The following PRRC2C variants were observed in gnomAD, a reference collection of about 807,000 sequenced individuals.
PRRC2C encodes the protein protein PRRC2C.
PRRC2C carries 72 observed loss-of-function variants against 317.2 expected under a neutral mutation model. The observed-to-expected ratio is 0.23, with a 90% CI of 0.19 to 0.28. The LOEUF (loss-of-function observed/expected upper bound fraction) is 0.28, where lower values mean the gene tolerates loss of function less well. Ranked by LOEUF, PRRC2C falls within the 10% of genes least tolerant of loss-of-function variation. The pLI, the probability that PRRC2C is intolerant of heterozygous loss-of-function variation, is 1.00. For synonymous variants in PRRC2C, 1,296 were observed against 1,205.9 expected (o/e 1.07, Z -1.55); for missense variants, 3,074 against 3,459.7 (o/e 0.89, Z 2.80).
chr1:171,541,160 C>G lies in PRRC2C; in HGVS notation c.3694C>G (p.His1232Asp). ...QYRDNKPRAE[H>D]IPSGPLRQRE... is the part of the protein sequence containing the mutation. ...TAGAGACAATAAGCCAAGAGCAGAG[C>G]ATATACCCTCAGGGCCTCTCAGACA... is the stretch of plus-strand genomic sequence containing the variant. The change falls in exon 16 of 35, where the codon CAT becomes GAT. Residue 1232 changes from histidine to aspartate, a missense_variant. His to Asp is a moderately conservative substitution (Grantham distance 81). This residue lies in a region of PRRC2C where 1,320 missense variants were observed against 1,395.7 expected (regional missense o/e 0.95). Transcript: ENST00000647382. The surrounding 1 kb of genome is among the most constrained non-coding windows in gnomAD (Gnocchi z 4.1). The G allele has an allele frequency of 6.2e-7, 1 of 1,613,292 alleles. No homozygotes were observed. The highest frequency in any genetic ancestry group is 1.3e-5 in the African/African-American group (1 of 74,958).
intron 4 of PRRC2C, among the ~76,000 whole-genome samples, chr1:171,514,916 A>T (rs557208976): frequency 1.3e-5 from 2 of 152,362 alleles, no homozygotes; most frequent in East Asian, 3.9e-4. Flanking sequence ...TGCATATCCA[A>T]GCAAAGCTTG....
At chr1:171,506,869 G>T (rs1175516340) in intron 1 of PRRC2C, among the ~76,000 whole-genome samples, 1 of 151,590 alleles carries the variant, frequency 6.6e-6, no homozygotes, top group East Asian at 1.9e-4. Context: ...GTCTCTATTT[G>T]TATTCAATCT....
chr1:171,568,576 G>A (rs74122869), intron 23 of PRRC2C, among the ~76,000 whole-genome samples: 3,060 of 152,216 alleles, frequency 0.02, 96 homozygotes, highest in African/African-American at 0.07. Flanking sequence ...TTTGTGGTGC[G>A]TAGGCTTGGT....
chr1:171,491,230 G>A (rs538706867), intron 1 of PRRC2C, among the ~76,000 whole-genome samples: 1 of 152,272 alleles, frequency 6.6e-6, no homozygotes, highest in Admixed American at 6.5e-5. Context: ...TGGAGAATGG[G>A]TATCTAGATA....
intron 24 of PRRC2C, among the ~76,000 whole-genome samples, chr1:171,572,342 T>C (rs1265464414): frequency 6.6e-6 from 1 of 152,142 alleles, no homozygotes; most frequent in Non-Finnish European, 1.5e-5. Flanking sequence ...TTGTTCATAA[T>C]CCAGGGAAGT....
chr1:171,545,532 G>C lies in PRRC2C; in HGVS notation c.4817G>C (p.Ser1606Thr). 6.3e-7 allele frequency: 1 copy of C among 1,593,278 alleles called. No homozygotes were observed. Among genetic ancestry groups the C allele is most frequent in the East Asian group, 2.3e-5 (1 of 44,016 alleles). The change falls in exon 17 of 35, where the codon AGC becomes ACC. Residue 1606 changes from serine (S) to threonine (T), a missense_variant. By Grantham distance (58) the Ser-to-Thr change is moderately conservative. This residue lies in a region of PRRC2C where 178 missense variants were observed against 163.0 expected (regional missense o/e 1.09). Transcript: ENST00000647382. ...ACTGGGGTTGACCTCATCAATGGCA[G>C]CTCTGCACACCATCAGGAAGGAGTA... ...GTTGVDLING[S>T]SAHHQEGVPN...
At chr1:171,547,385 T>C (rs1557973924) in intron 17 of PRRC2C, among the ~76,000 whole-genome samples, 3 of 152,132 alleles carry the variant, frequency 2.0e-5, no homozygotes, top group African/African-American at 7.2e-5. Flanking sequence ...AGATAGGCTT[T>C]ACACACACAC....
chr1:171,560,457 A>G (rs1212349071), intron 19 of PRRC2C, among the ~76,000 whole-genome samples: 3 of 152,230 alleles, frequency 2.0e-5, no homozygotes, highest in African/African-American at 7.2e-5. Flanking sequence ...CACATGCTAC[A>G]GAGAATTCAT....
Position 171,515,741 on chromosome 1 carries a change from A to G in PRRC2C, c.408A>G (p.Gln136=), listed in dbSNP as rs1489557649. 2.5e-6 allele frequency: 4 copies of G among 1,599,904 alleles called. No homozygotes were observed. In the South Asian group the frequency reaches 4.5e-5, roughly 18 times the overall value. ...TTTTAAAAAAATCTATAGGAATCCA[A>G]GTGAATAGTCAGTTTCAGCAAGAAT... is the stretch of plus-strand genomic sequence containing the variant. The part of the protein sequence containing the change: ...NKQGGQGDGI[Q]VNSQFQQEFP... Residue 136 remains glutamine, a synonymous_variant, in exon 5 of 35, where the codon CAA becomes CAG. Coordinates refer to ENST00000647382, the MANE Select transcript of PRRC2C (RefSeq NM_001387844.1).
Position 171,537,418 on chromosome 1 carries a change from G to C in PRRC2C, c.2449G>C (p.Ala817Pro). 1 of 1,588,432 alleles carries C rather than the reference G, an allele frequency of 6.3e-7. No individual in the cohort carries two copies. The highest frequency in any genetic ancestry group is 2.3e-5 in the East Asian group (1 of 44,042). The change falls in exon 15 of 35, where the codon GCT (alanine) becomes CCT (proline). Residue 817 changes from alanine to proline, a missense_variant. Ala to Pro is a conservative substitution (Grantham distance 27, BLOSUM62 -1). Coordinates refer to ENST00000647382, the MANE Select transcript of PRRC2C (RefSeq NM_001387844.1). ...GTGGGGGTCAGATCCCTATCCTCAT[G>C]CTGAGCCTCAACAAGCAACTACTCC... Reference protein sequence around the residue: ...MLWGSDPYPHAEPQQATTPKA... With the variant: ...MLWGSDPYPHPEPQQATTPKA...
chr1:171,561,812 C>G (rs1324492057), intron 20 of PRRC2C, among the ~76,000 whole-genome samples: 1 of 152,138 alleles, frequency 6.6e-6, no homozygotes, highest in African/African-American at 2.4e-5. Context: ...AACATAATTT[C>G]TCAAATGTGA....
At chr1:171,551,599 A>T (rs1408812912) in intron 18 of PRRC2C, among the ~76,000 whole-genome samples, 6 of 152,140 alleles carry the variant, frequency 3.9e-5, no homozygotes, top group African/African-American at 1.4e-4. Flanking sequence ...TTTTAGGTCT[A>T]ACATTTAAGT....
intron 19 of PRRC2C, among the ~76,000 whole-genome samples, chr1:171,559,562 C>T (rs1047946457): frequency 8.5e-6 from 1 of 117,504 alleles, no homozygotes; most frequent in African/African-American, 3.3e-5. Context: ...ACTCTTGTCA[C>T]CTAGGCTGGA....
At chr1:171,543,806 G>A (rs926704773) in intron 16 of PRRC2C, among the ~76,000 whole-genome samples, 4 of 152,204 alleles carry the variant, frequency 2.6e-5, no homozygotes, top group African/African-American at 7.2e-5. Context: ...TCTGTTGGCT[G>A]CAAAGTCGAA....
At chr1:171,557,130 A>G in intron 18 of PRRC2C, 110 bp from the exon 19 acceptor site, 6 of 1,446,630 alleles carry the variant, frequency 4.1e-6, no homozygotes, top group Non-Finnish European at 4.5e-6. Context: ...TTGAGTACCT[A>G]TTTTGAAAAG....
chr1:171,506,285 C>T (rs1351882761), intron 1 of PRRC2C, among the ~76,000 whole-genome samples: 1 of 152,204 alleles, frequency 6.6e-6, no homozygotes, highest in Non-Finnish European at 1.5e-5. Flanking sequence ...TGTAGCTCTA[C>T]TGCTTGCAGC....
chr1:171,583,924 C>A (rs750169553), intron 28 of PRRC2C, 32 bp from the exon 29 acceptor site: 1 of 1,555,098 alleles, frequency 6.4e-7, no homozygotes, highest in Admixed American at 1.7e-5. Context: ...AAATTAACTT[C>A]TAACAATATT....
At chr1:171,590,839 A>T (rs1237664665) in intron 34 of PRRC2C, among the ~76,000 whole-genome samples, 2 of 152,224 alleles carry the variant, frequency 1.3e-5, no homozygotes, top group Non-Finnish European at 2.9e-5. Context: ...TGTTGGAAAT[A>T]ACATTAGAGC....
At chr1:171,492,039 C>G (rs995877835) in intron 1 of PRRC2C, among the ~76,000 whole-genome samples, 4 of 152,036 alleles carry the variant, frequency 2.6e-5, no homozygotes, top group African/African-American at 9.7e-5. Flanking sequence ...ATTTTGAAAA[C>G]AGAGGACATT....
Sources: allele counts gnomAD v4.1 joint callset (sites outside exome capture counted in the v4.1 genomes callset), GRCh38; gene constraint gnomAD v4.1.1; regional missense constraint gnomAD v4.1.1; non-coding constraint Gnocchi (gnomAD v3.1); transcripts MANE v1.5; gene names NCBI Gene and HGNC (gene_info 2026-07-23, HGNC 2026-07-21).